NRXN1: variants seen among roughly 807,000 people sequenced by gnomAD.
NRXN1 encodes the protein neurexin-1.
A neutral mutation model predicts 150.9 loss-of-function variants in NRXN1; 39 were observed. The observed-to-expected ratio is 0.26, with a 90% CI of 0.20 to 0.34. The LOEUF (loss-of-function observed/expected upper bound fraction) is 0.34. Ranked by LOEUF, NRXN1 falls within the 10% of genes least tolerant of loss-of-function variation. The probability of loss-of-function intolerance (pLI) is 1.00; values close to 1 mark genes in which losing one functional copy is unlikely to be tolerated. For synonymous variants in NRXN1, 924 were observed against 757.0 expected, an observed-to-expected ratio of 1.22 and a Z score of -3.62; for missense variants, 1,815 against 1,949.9, an observed-to-expected ratio of 0.93 and a Z score of 1.30.
At chr2:50,809,353 C>T (rs1389795782) in intron 5 of NRXN1, among the ~76,000 whole-genome samples, 3 of 152,080 alleles carry the variant, frequency 2.0e-5, no homozygotes, top group African/African-American at 7.2e-5. Context: ...CCCAAATCCT[C>T]TCGCTAAGGA....
intron 17 of NRXN1, among the ~76,000 whole-genome samples, chr2:50,298,684 C>T (rs563435643): frequency 1.3e-5 from 2 of 152,212 alleles, no homozygotes; most frequent in East Asian, 3.9e-4. Flanking sequence ...TCAGACCTGG[C>T]TTTTGAAATT....
intron 20 of NRXN1, among the ~76,000 whole-genome samples, chr2:50,053,931 G>A (rs1693192595): frequency 6.6e-6 from 1 of 152,090 alleles, no homozygotes; most frequent in Admixed American, 6.5e-5. Flanking sequence ...TTTTAAAAAT[G>A]TAAGACAACA....
intron 8 of NRXN1, among the ~76,000 whole-genome samples, chr2:50,579,635 G>A (rs1671957075): frequency 6.6e-6 from 1 of 152,182 alleles, no homozygotes; most frequent in Non-Finnish European, 1.5e-5. Flanking sequence ...GGAAGACCCT[G>A]TCTTAAAACA....
intron 2 of NRXN1, among the ~76,000 whole-genome samples, chr2:51,006,047 A>AT (rs1458286922): frequency 1.1e-4 from 17 of 151,668 alleles, no homozygotes; most frequent in Admixed American, 1.1e-3. Context: ...ACAAATCTAC[A>AT]TTTTTTCTTG....
At chr2:50,039,006 C>T (rs112633071) in intron 21 of NRXN1, among the ~76,000 whole-genome samples, 1,759 of 151,766 alleles carry the variant, frequency 0.012, 33 homozygotes, top group African/African-American at 0.04. Flanking sequence ...GGTGAAACCT[C>T]GTCTCTACTA....
At chr2:50,120,651 CATT>C (rs996447878) in intron 18 of NRXN1, among the ~76,000 whole-genome samples, 6 of 152,046 alleles carry the variant, frequency 3.9e-5, no homozygotes, top group African/African-American at 1.4e-4. Context: ...AAAATTAAGT[CATT>C]GACCTTTACT....
At chr2:50,547,738 G>A (rs765099124) in intron 9 of NRXN1, among the ~76,000 whole-genome samples, 1 of 152,154 alleles carries the variant, frequency 6.6e-6, no homozygotes, top group African/African-American at 2.4e-5. Flanking sequence ...AATCATGCCT[G>A]CACTTGGTAT....
At chr2:50,895,053 T>C (rs573469878) in intron 5 of NRXN1, among the ~76,000 whole-genome samples, 43 of 152,278 alleles carry the variant, frequency 2.8e-4, no homozygotes, top group Non-Finnish European at 4.6e-4. Context: ...GTATTTTGAC[T>C]TTGAGTTGGG....
At chr2:50,734,952 A>C (rs1698542940) in intron 5 of NRXN1, among the ~76,000 whole-genome samples, 1 of 152,214 alleles carries the variant, frequency 6.6e-6, no homozygotes, top group African/African-American at 2.4e-5. Context: ...ACCAAGACCA[A>C]TTCTTGGGCT....
chr2:50,366,692 A>G (rs910629358), intron 17 of NRXN1, among the ~76,000 whole-genome samples: 1 of 151,910 alleles, frequency 6.6e-6, no homozygotes, highest in Non-Finnish European at 1.5e-5. Context: ...CCCCCACCCC[A>G]CTATTTTTTG....
chr2:50,609,697 A>T (rs993555732), intron 8 of NRXN1, among the ~76,000 whole-genome samples: 4 of 152,056 alleles, frequency 2.6e-5, no homozygotes, highest in African/African-American at 7.2e-5. Context: ...TATCTATAAA[A>T]AGTTATTGTT....
intron 5 of NRXN1, among the ~76,000 whole-genome samples, chr2:50,732,414 G>A (rs1364295508): frequency 1.3e-5 from 2 of 152,018 alleles, no homozygotes; most frequent in Admixed American, 1.3e-4. Flanking sequence ...CTGCTAAGAG[G>A]AATAGTAGTT....
chr2:50,465,783 A>G (rs1412792773), intron 16 of NRXN1, among the ~76,000 whole-genome samples: 1 of 151,934 alleles, frequency 6.6e-6, no homozygotes, highest in African/African-American at 2.4e-5. Context: ...ATCATAAACT[A>G]AACCAACAAA....
intron 22 of NRXN1, among the ~76,000 whole-genome samples, chr2:49,929,134 T>C (rs1178484039): frequency 6.6e-6 from 1 of 152,052 alleles, no homozygotes; most frequent in East Asian, 1.9e-4. Flanking sequence ...ATCTAGGTAT[T>C]GAATGGGAAG....
chr2:50,461,662 G>A (rs898115780), intron 17 of NRXN1, among the ~76,000 whole-genome samples: 2 of 151,928 alleles, frequency 1.3e-5, no homozygotes, highest in African/African-American at 4.8e-5. Flanking sequence ...TAAGTGCTCA[G>A]CAAATGGTTA....
intron 17 of NRXN1, among the ~76,000 whole-genome samples, chr2:50,260,310 T>C (rs1211128454): frequency 6.6e-6 from 1 of 151,930 alleles, no homozygotes; most frequent in Non-Finnish European, 1.5e-5. Context: ...AGACATTTGC[T>C]TGATATTTCC....
chr2:50,178,347 AC>A (rs2060478214), intron 18 of NRXN1, among the ~76,000 whole-genome samples: 1 of 151,898 alleles, frequency 6.6e-6, no homozygotes, highest in Non-Finnish European at 1.5e-5. Flanking sequence ...ATTTGGGTTG[AC>A]TTAGAACTTG....
At chr2:50,757,414 T>C (rs1051621465) in intron 5 of NRXN1, among the ~76,000 whole-genome samples, 1 of 151,822 alleles carries the variant, frequency 6.6e-6, no homozygotes, top group African/African-American at 2.4e-5. Context: ...ATAACTCAAC[T>C]GTAAAGAAGT....
At chr2:50,969,276 G>A (rs1006957916) in intron 2 of NRXN1, among the ~76,000 whole-genome samples, 2 of 152,054 alleles carry the variant, frequency 1.3e-5, no homozygotes, top group African/African-American at 4.8e-5. Flanking sequence ...AGACTTATAA[G>A]AAATCTTACT....
Sources: allele counts gnomAD v4.1 joint callset (sites outside exome capture counted in the v4.1 genomes callset), GRCh38; gene constraint gnomAD v4.1.1; transcripts MANE v1.5; gene names NCBI Gene and HGNC (gene_info 2026-07-23, HGNC 2026-07-21).